Variants in LIMCH1 observed in about 807,000 individuals in gnomAD.
LIMCH1 encodes the protein LIM and calponin homology domains 1, also known as LIM and calponin homology domains-containing protein 1.
Under a neutral mutation model 176.5 loss-of-function variants are expected in LIMCH1, and 113 were observed. The observed-to-expected ratio is 0.64, with a 90% confidence interval of 0.55 to 0.75. LIMCH1 has a LOEUF of 0.75. Ranked by LOEUF, LIMCH1 falls within the 30% of genes least tolerant of loss-of-function variation. The probability of loss-of-function intolerance (pLI) is 0.00; values close to 1 mark genes in which losing one functional copy is unlikely to be tolerated. For missense variants in LIMCH1, 1,674 were observed against 1,814.9 expected, an observed-to-expected ratio of 0.92 and a Z score of 1.41; for synonymous variants, 619 against 645.9, an observed-to-expected ratio of 0.96 and a Z score of 0.63.
intron 14 of LIMCH1, among the ~76,000 whole-genome samples, chr4:41,642,853 A>G (rs1585226710): frequency 6.6e-6 from 1 of 150,524 alleles, no homozygotes. Context: ...TGCTGGGATT[A>G]CAGGCGTGAG....
intron 1 of LIMCH1, among the ~76,000 whole-genome samples, chr4:41,547,800 AAATAC>A (rs2079729169): frequency 6.9e-6 from 1 of 144,572 alleles, no homozygotes; most frequent in Non-Finnish European, 1.5e-5. Flanking sequence ...TATTATAAAT[AAATAC>A]AATATAATAT....
In LIMCH1 at chr4:41,397,543, T is replaced by C. The variant is rs547530553; in HGVS notation, c.96+36607T>C. On this transcript the variant is annotated intron_variant, in intron 1 of 26. Transcript: ENST00000313860. ...ATGATTTAGCAGATTAGAGTGGGAA[T>C]GTAGTGACATTAAGTTGCCCTTGTT... Among the ~76,000 whole-genome samples, 347 of 152,334 alleles carry C rather than the reference T, an allele frequency of 2.3e-3. 1 individual carries two copies. Among genetic ancestry groups the C allele is most frequent in the Middle Eastern group, 0.01 (3 of 294 alleles).
chr4:41,526,556 G>A (rs925294361), intron 3 of LIMCH1, among the ~76,000 whole-genome samples: 10 of 152,000 alleles, frequency 6.6e-5, no homozygotes, highest in Admixed American at 3.9e-4. Flanking sequence ...GTACTTCCAC[G>A]GTTCTCGCGT....
chr4:41,550,607 G>T (rs2080261198), intron 1 of LIMCH1, among the ~76,000 whole-genome samples: 1 of 152,112 alleles, frequency 6.6e-6, no homozygotes, highest in Admixed American at 6.5e-5. Context: ...ATGAAGAACA[G>T]AAACATATGG....
intron 18 of LIMCH1, among the ~76,000 whole-genome samples, chr4:41,654,839 C>T (rs186734505): frequency 4.1e-4 from 62 of 152,270 alleles, no homozygotes; most frequent in African/African-American, 1.4e-3. Flanking sequence ...GCCACCCAAT[C>T]CCTTTGCCCC....
At chr4:41,592,771 G>A (rs140262710) in intron 1 of LIMCH1, among the ~76,000 whole-genome samples, 233 of 152,314 alleles carry the variant, frequency 1.5e-3, no homozygotes, top group African/African-American at 3.4e-3. Flanking sequence ...CCAAGGACAC[G>A]TAGCTAAGAA....
intron 1 of LIMCH1, among the ~76,000 whole-genome samples, chr4:41,448,079 C>T (rs1288478651): frequency 6.6e-6 from 1 of 152,154 alleles, no homozygotes; most frequent in Non-Finnish European, 1.5e-5. Context: ...GAGTGAGCCA[C>T]CATGCCCAGC....
At chr4:41,648,773 G>C (rs1051075860) in intron 17 of LIMCH1, among the ~76,000 whole-genome samples, 2 of 149,050 alleles carry the variant, frequency 1.3e-5, no homozygotes, top group African/African-American at 5.0e-5. Flanking sequence ...AATAAAGGAA[G>C]ATCAAGAGAA....
intron 1 of LIMCH1, among the ~76,000 whole-genome samples, chr4:41,548,776 G>A (rs2079961947): frequency 6.6e-6 from 1 of 152,030 alleles, no homozygotes; most frequent in Non-Finnish European, 1.5e-5. Flanking sequence ...GAAGAGTCGT[G>A]AAAAACTGGT....
intron 1 of LIMCH1, among the ~76,000 whole-genome samples, chr4:41,394,091 T>G (rs2057546800): frequency 6.6e-6 from 1 of 152,246 alleles, no homozygotes; most frequent in Non-Finnish European, 1.5e-5. Flanking sequence ...AAACTTACTT[T>G]ATGTAGTTTT....
upstream of LIMCH1, among the ~76,000 whole-genome samples, chr4:41,535,661 G>T (rs2077839366): frequency 6.6e-6 from 1 of 152,168 alleles, no homozygotes; most frequent in Non-Finnish European, 1.5e-5. Flanking sequence ...GGGGAGGGAG[G>T]AGGAGACAAT....
chr4:41,444,309 TATATACACACAC>T (rs1279287155), intron 1 of LIMCH1, among the ~76,000 whole-genome samples: 29 of 99,572 alleles, frequency 2.9e-4, no homozygotes, highest in Admixed American at 7.3e-4. Context: ...TGTGTGTATA[TATATACACACAC>T]ACACACACAC....
chr4:41,465,504 C>T (rs1204622054), intron 1 of LIMCH1, among the ~76,000 whole-genome samples: 1 of 152,072 alleles, frequency 6.6e-6, no homozygotes, highest in Admixed American at 6.5e-5. Context: ...TTCCTGTTCT[C>T]CTGGTGCTCC....
At chr4:41,466,680 G>A (rs2066163316) in intron 1 of LIMCH1, among the ~76,000 whole-genome samples, 1 of 151,994 alleles carries the variant, frequency 6.6e-6, no homozygotes, top group Non-Finnish European at 1.5e-5. Flanking sequence ...TCATTTTTCA[G>A]GTTGTTCAGT....
chr4:41,646,375 A>C (rs2094059845), intron 16 of LIMCH1, 95 bp downstream of exon 16: 3 of 1,505,292 alleles, frequency 2.0e-6, no homozygotes, highest in Non-Finnish European at 2.7e-6. Flanking sequence ...TCTGATAGTA[A>C]CATTTTATAT....
intron 3 of LIMCH1, among the ~76,000 whole-genome samples, chr4:41,530,612 G>A (rs1453599746): frequency 2.6e-5 from 4 of 151,750 alleles, no homozygotes; most frequent in Non-Finnish European, 5.9e-5. Context: ...TTCGAGATTA[G>A]CCTGGCCAAC....
At chr4:41,432,092 C>T (rs1561352648) in intron 1 of LIMCH1, among the ~76,000 whole-genome samples, 1 of 152,184 alleles carries the variant, frequency 6.6e-6, no homozygotes, top group African/African-American at 2.4e-5. Flanking sequence ...GTAAGATTAG[C>T]ACTGGAATTT....
At chr4:41,363,084 A>G (rs1053874259) in intron 1 of LIMCH1, among the ~76,000 whole-genome samples, 3 of 152,178 alleles carry the variant, frequency 2.0e-5, no homozygotes, top group African/African-American at 7.2e-5. Context: ...GCTATATAAA[A>G]AGGTAATTGC....
intron 1 of LIMCH1, among the ~76,000 whole-genome samples, chr4:41,442,253 TTA>T (rs796949168): frequency 6.6e-6 from 1 of 152,274 alleles, no homozygotes; most frequent in South Asian, 2.1e-4. Flanking sequence ...TGAGCCATGA[TTA>T]TGTTACTGCC....
Sources: gnomAD v4.1 joint callset for allele counts (sites outside exome capture counted in the v4.1 genomes callset) on GRCh38, gnomAD v4.1.1 for gene constraint, MANE v1.5 for transcripts, NCBI Gene and HGNC (gene_info 2026-07-23, HGNC 2026-07-21) for gene names.